SRBD1: variants seen among roughly 807,000 people sequenced by gnomAD.
SRBD1 encodes the protein S1 RNA binding domain 1, also known as S1 RNA-binding domain-containing protein 1.
A neutral mutation model predicts 115.3 loss-of-function variants in SRBD1; 88 were observed. That is an observed-to-expected ratio of 0.76 (90% CI 0.64 to 0.91). The LOEUF is 0.91. Ranked by LOEUF, SRBD1 falls within the 40% of genes least tolerant of loss-of-function variation. SRBD1 has a pLI of 0.00. For missense variants in SRBD1, 1,385 were observed against 1,177.4 expected (o/e 1.18, Z -2.58); for synonymous variants, 509 against 407.7 (o/e 1.25, Z -2.99).
chr2:45,586,688 GC>G (rs1673533874), intron 4 of SRBD1, among the ~76,000 whole-genome samples: 1 of 150,678 alleles, frequency 6.6e-6, no homozygotes, highest in African/African-American at 2.4e-5. Context: ...GGGACTACAA[GC>G]CACGCCATCA....
At chr2:45,610,536 ACC>A (rs2104279310) in intron 1 of SRBD1, among the ~76,000 whole-genome samples, 1 of 152,338 alleles carries the variant, frequency 6.6e-6, no homozygotes, top group East Asian at 1.9e-4. Context: ...TGCCTGGAAC[ACC>A]AAGACTAGTC....
chr2:45,437,659 C>T lies in SRBD1; in HGVS notation c.2050-17765G>A, dbSNP rs183029447. Among the ~76,000 whole-genome samples the T allele has an allele frequency of 7.5e-4, 114 of 152,196 alleles. 1 individual carries two copies. Among genetic ancestry groups the T allele is most frequent in the Admixed American group, 3.3e-3 (50 of 15,296 alleles). ...GGGAAGATCACCTGAGCTCAGGAGG[C>T]GGAGGTTGCAGTGAACCAAGATCGT... On this transcript the variant is annotated intron_variant, in intron 16 of 20. Coordinates refer to ENST00000263736, the MANE Select transcript of SRBD1 (RefSeq NM_018079.5).
At chr2:45,571,142 G>A (rs991548597) in intron 9 of SRBD1, among the ~76,000 whole-genome samples, 1 of 152,106 alleles carries the variant, frequency 6.6e-6, no homozygotes, top group African/African-American at 2.4e-5. Context: ...CATGCAAACA[G>A]GAAGAAAAGG....
At chr2:45,406,462 G>A (rs560733338) in intron 19 of SRBD1, among the ~76,000 whole-genome samples, 41 of 152,108 alleles carry the variant, frequency 2.7e-4, no homozygotes, top group African/African-American at 9.9e-4. Flanking sequence ...TAAATCCCAT[G>A]TTCCCCTTAT....
At chr2:45,466,791 A>C (rs1051523405) in intron 16 of SRBD1, among the ~76,000 whole-genome samples, 11 of 152,186 alleles carry the variant, frequency 7.2e-5, no homozygotes, top group Non-Finnish European at 1.5e-4. Flanking sequence ...ATACACTGCA[A>C]TGTGCATTCA....
intron 19 of SRBD1, among the ~76,000 whole-genome samples, chr2:45,401,928 G>A (rs1667301897): frequency 6.6e-6 from 1 of 152,126 alleles, no homozygotes; most frequent in Non-Finnish European, 1.5e-5. Flanking sequence ...AGTAAGCTCC[G>A]GTTGGAGGGA....
At chr2:45,556,732 G>C (rs1006718477) in intron 10 of SRBD1, among the ~76,000 whole-genome samples, 2 of 152,022 alleles carry the variant, frequency 1.3e-5, no homozygotes, top group African/African-American at 4.8e-5. Context: ...CAAAGTGCTG[G>C]GATTATAGGC....
intron 15 of SRBD1, among the ~76,000 whole-genome samples, chr2:45,487,545 T>C (rs1670157322): frequency 6.6e-6 from 1 of 152,190 alleles, no homozygotes; most frequent in Non-Finnish European, 1.5e-5. Context: ...TTCATAAATT[T>C]GTATTACAAA....
chr2:45,503,330 T>C (rs887083409), intron 14 of SRBD1, among the ~76,000 whole-genome samples: 1 of 152,190 alleles, frequency 6.6e-6, no homozygotes, highest in Non-Finnish European at 1.5e-5. Flanking sequence ...GGAGTGTTCA[T>C]ACTAAAGAAT....
rs559675040 is a variant in SRBD1 at position 45,448,828 on chromosome 2, GA to G, written c.2049+28164del. Reference sequence around the variant, plus strand: ...AATAAATACTTTTTTCTCCTTAGGGGAAAAAAAGTTACATGTTTTAATTACA... The same window carrying G: ...AATAAATACTTTTTTCTCCTTAGGGGAAAAAAGTTACATGTTTTAATTACA... On this transcript the variant is annotated intron_variant, in intron 16 of 20. Coordinates refer to ENST00000263736, the MANE Select transcript of SRBD1 (RefSeq NM_018079.5). 5.4e-3 allele frequency among the ~76,000 whole-genome samples: 826 copies of G among 151,920 alleles called. 6 individuals carry two copies. Among genetic ancestry groups the G allele is most frequent in the African/African-American group, 0.019 (771 of 41,474 alleles).
rs1669762580 is a variant in SRBD1, at chr2:45,474,945, G to A, written c.2049+2048C>T. ...AGCTGATGATGGTAGTGTAATTAAA[G>A]AATATCATTAATTCAGCCCACCATC... On this transcript the variant is annotated intron_variant, in intron 16 of 20. Transcript: ENST00000263736. Among the ~76,000 whole-genome samples the A allele has an allele frequency of 2.0e-5, 3 of 152,282 alleles. No homozygotes were observed. In the South Asian group the frequency reaches 6.2e-4, roughly 32 times the overall value.
At chr2:45,584,760 G>C (rs1673465315) in intron 5 of SRBD1, among the ~76,000 whole-genome samples, 1 of 152,150 alleles carries the variant, frequency 6.6e-6, no homozygotes, top group African/African-American at 2.4e-5. Flanking sequence ...TATTAGCAGT[G>C]AGTCCAGAGG....
intron 16 of SRBD1, among the ~76,000 whole-genome samples, chr2:45,448,352 G>C (rs1420823579): frequency 2.0e-5 from 3 of 151,984 alleles, no homozygotes; most frequent in Non-Finnish European, 4.4e-5. Context: ...ACTACAAAAA[G>C]GCTCAACAAA....
intron 18 of SRBD1, among the ~76,000 whole-genome samples, chr2:45,414,584 TGTGTGTGTACACATAGTGTGTATA>T (rs1206763171): frequency 2.9e-5 from 4 of 137,584 alleles, no homozygotes; most frequent in Non-Finnish European, 4.8e-5. Context: ...GTGTATATAG[TGTGTGTGTACACATAGTGTGTATA>T]GTGTGTGTAC....
chr2:45,570,998 A>C (rs1672988135), intron 9 of SRBD1, among the ~76,000 whole-genome samples: 1 of 152,176 alleles, frequency 6.6e-6, no homozygotes, highest in South Asian at 2.1e-4. Context: ...ACCTGTGAAA[A>C]AATAAACTTG....
chr2:45,487,941 C>A (rs867856462), intron 15 of SRBD1, among the ~76,000 whole-genome samples: 1 of 152,114 alleles, frequency 6.6e-6, no homozygotes, highest in Non-Finnish European at 1.5e-5. Context: ...TTTGAGCCAC[C>A]GCACCCGGCC....
intron 16 of SRBD1, among the ~76,000 whole-genome samples, chr2:45,468,114 A>C (rs1669544391): frequency 6.6e-6 from 1 of 152,068 alleles, no homozygotes; most frequent in Non-Finnish European, 1.5e-5. Flanking sequence ...TTATTTTTAT[A>C]ATCTTACTAT....
intron 10 of SRBD1, among the ~76,000 whole-genome samples, chr2:45,554,457 T>C (rs1672408962): frequency 6.6e-6 from 1 of 152,212 alleles, no homozygotes; most frequent in Non-Finnish European, 1.5e-5. Flanking sequence ...AGAGTTAAAG[T>C]AGACTGAGCA....
At chr2:45,574,250 C>T (rs551911209) in intron 8 of SRBD1, among the ~76,000 whole-genome samples, 77 of 152,134 alleles carry the variant, frequency 5.1e-4, no homozygotes, top group Admixed American at 4.0e-3. Context: ...ACACCAGAAA[C>T]GAGATACTAT....
Sources: allele counts gnomAD v4.1 joint callset (sites outside exome capture counted in the v4.1 genomes callset), GRCh38; gene constraint gnomAD v4.1.1; transcripts MANE v1.5; gene names NCBI Gene and HGNC (gene_info 2026-07-23, HGNC 2026-07-21).